SMARCC1: variants seen among roughly 807,000 people sequenced by gnomAD.
SMARCC1 encodes SWI/SNF related BAF chromatin remodeling complex subunit C1, also known as SWI/SNF complex subunit SMARCC1.
In SMARCC1, 43 loss-of-function variants were observed where a neutral mutation model predicts 147.4. The observed-to-expected ratio is 0.29, with a 90% CI of 0.23 to 0.38. The LOEUF (loss-of-function observed/expected upper bound fraction) is 0.38. Among genes scored for constraint, SMARCC1 ranks in the 10% least tolerant of loss-of-function variants. SMARCC1 has a pLI of 1.00. For synonymous variants in SMARCC1, 495 were observed against 484.4 expected (o/e 1.02, Z -0.29); for missense variants, 1,119 against 1,381.1 (o/e 0.81, Z 3.01).
intron 2 of SMARCC1, among the ~76,000 whole-genome samples, chr3:47,752,662 G>A (rs964060487): frequency 6.6e-6 from 1 of 152,032 alleles, no homozygotes; most frequent in Non-Finnish European, 1.5e-5. Flanking sequence ...CGGCATGGTA[G>A]GATGTACCTC....
At chr3:47,720,364 C>A (rs1248188031) in intron 7 of SMARCC1, among the ~76,000 whole-genome samples, 1 of 152,004 alleles carries the variant, frequency 6.6e-6, no homozygotes, top group African/African-American at 2.4e-5. Flanking sequence ...ACCTCATGAT[C>A]CACTGCCTCA....
chr3:47,646,509 T>C (rs1444395918), intron 21 of SMARCC1, among the ~76,000 whole-genome samples: 1 of 152,220 alleles, frequency 6.6e-6, no homozygotes, highest in Non-Finnish European at 1.5e-5. Flanking sequence ...GACATTCTAG[T>C]AATAACATGG....
intron 16 of SMARCC1, among the ~76,000 whole-genome samples, chr3:47,677,133 G>A (rs1175018059): frequency 6.6e-6 from 1 of 152,152 alleles, no homozygotes; most frequent in Non-Finnish European, 1.5e-5. Flanking sequence ...GTCTCGCTCT[G>A]TCTCTAAGGC....
chr3:47,749,765 A>AGAGAGG (rs2034607771), intron 2 of SMARCC1, among the ~76,000 whole-genome samples: 1 of 131,840 alleles, frequency 7.6e-6, no homozygotes, highest in Non-Finnish European at 1.6e-5. Flanking sequence ...AGAGAGAGAG[A>AGAGAGG]GGTGGCGGGG....
chr3:47,761,556 T>C (rs80018612), intron 2 of SMARCC1, among the ~76,000 whole-genome samples: 1 of 152,072 alleles, frequency 6.6e-6, no homozygotes, highest in African/African-American at 2.4e-5. Context: ...CTCAAGCTAT[T>C]CCCTCCCTGC....
chr3:47,762,178 T>A (rs2034781381), intron 2 of SMARCC1, among the ~76,000 whole-genome samples: 1 of 152,156 alleles, frequency 6.6e-6, no homozygotes, highest in Non-Finnish European at 1.5e-5. Context: ...AGACAACAGA[T>A]TCTTCTTAGC....
intron 2 of SMARCC1, among the ~76,000 whole-genome samples, chr3:47,750,894 A>C (rs2034620602): frequency 8.2e-6 from 1 of 121,674 alleles, no homozygotes; most frequent in Admixed American, 9.1e-5. Flanking sequence ...GCTTAAGACA[A>C]AGTAATTTTT....
chr3:47,686,281 G>A (rs979482168), intron 13 of SMARCC1, 111 bp from the exon 14 acceptor site: 10 of 837,582 alleles, frequency 1.2e-5, no homozygotes, highest in African/African-American at 5.2e-5. Flanking sequence ...TCCCCGATTC[G>A]ATCAGATATT....
At chr3:47,770,545 C>T (rs1406591255) in intron 2 of SMARCC1, among the ~76,000 whole-genome samples, 1 of 152,106 alleles carries the variant, frequency 6.6e-6, no homozygotes, top group Non-Finnish European at 1.5e-5. Flanking sequence ...CTCACTTGAA[C>T]CTGGGAAGCA....
At position 47,650,298 on chromosome 3, in the gene SMARCC1, A is replaced by AATAATAATT. The variant is rs770226262; in HGVS notation, c.2320+10995_2320+10996insAATTATTAT. 1.4e-3 allele frequency among the ~76,000 whole-genome samples: 197 copies of AATAATAATT among 141,056 alleles called. 2 individuals carry two copies. The highest frequency in any genetic ancestry group is 4.3e-3 in the African/African-American group (166 of 38,376). 92.5% of individuals were successfully genotyped at this position (141,056 alleles called of 152,430 possible). A position where few individuals can be genotyped will look rare whatever the true frequency, so the allele number is the denominator to read the frequency against. ...TTAAAATAATAATAATAATAATAAT[A>AATAATAATT]ATTATTATTATTATTATTATTCAAG... On this transcript the variant is annotated intron_variant, in intron 21 of 27. Coordinates refer to ENST00000254480, the MANE Select transcript of SMARCC1 (RefSeq NM_003074.4).
chr3:47,667,674 C>T (rs1004617286), intron 19 of SMARCC1, among the ~76,000 whole-genome samples: 8 of 152,220 alleles, frequency 5.3e-5, no homozygotes, highest in Admixed American at 3.9e-4. Flanking sequence ...GTCAAGAGAT[C>T]GAGACCATCC....
chr3:47,761,369 T>C (rs2034771486), intron 2 of SMARCC1, among the ~76,000 whole-genome samples: 1 of 151,972 alleles, frequency 6.6e-6, no homozygotes, highest in Admixed American at 6.6e-5. Flanking sequence ...CTAAATAAAA[T>C]ATGTGGTGTT....
At chr3:47,730,297 G>A (rs1335708968) in intron 5 of SMARCC1, among the ~76,000 whole-genome samples, 4 of 152,174 alleles carry the variant, frequency 2.6e-5, no homozygotes, top group African/African-American at 9.7e-5. Context: ...AGACTAGTCT[G>A]GGCAACACAG....
intron 11 of SMARCC1, 33 bp from the exon 12 acceptor site, chr3:47,693,333 T>C: frequency 7.9e-7 from 1 of 1,264,540 alleles, no homozygotes; most frequent in Non-Finnish European, 1.2e-6. Flanking sequence ...TATGTTTATG[T>C]GGGAAAAGTT....
intron 11 of SMARCC1, among the ~76,000 whole-genome samples, chr3:47,700,035 T>C (rs1018978109): frequency 6.6e-6 from 1 of 152,044 alleles, no homozygotes; most frequent in South Asian, 2.1e-4. Context: ...TTATTTTTCA[T>C]GCTCACAGAA....
At chr3:47,642,656 G>A (rs1264717181) in intron 21 of SMARCC1, among the ~76,000 whole-genome samples, 1 of 152,032 alleles carries the variant, frequency 6.6e-6, no homozygotes, top group Non-Finnish European at 1.5e-5. Context: ...GTCATTTTAC[G>A]CTTGGTAGAT....
At chr3:47,665,494 G>A (rs1304236916) in intron 19 of SMARCC1, among the ~76,000 whole-genome samples, 1 of 151,828 alleles carries the variant, frequency 6.6e-6, no homozygotes, top group Non-Finnish European at 1.5e-5. Flanking sequence ...ATTTTTTCAT[G>A]TTCCTTTCGC....
intron 5 of SMARCC1, among the ~76,000 whole-genome samples, chr3:47,730,792 G>T (rs1309331496): frequency 6.6e-6 from 1 of 151,920 alleles, no homozygotes; most frequent in African/African-American, 2.4e-5. Context: ...CTTGAACCCC[G>T]GAGGCAGAGG....
chr3:47,632,734 A>G (rs1481418109), intron 24 of SMARCC1, among the ~76,000 whole-genome samples: 1 of 152,192 alleles, frequency 6.6e-6, no homozygotes, highest in Non-Finnish European at 1.5e-5. Flanking sequence ...GATAGAGATA[A>G]AAGAATCAAT....
Sources: gnomAD v4.1 joint callset for allele counts (sites outside exome capture counted in the v4.1 genomes callset) on GRCh38, gnomAD v4.1.1 for gene constraint, MANE v1.5 for transcripts, NCBI Gene and HGNC (gene_info 2026-07-23, HGNC 2026-07-21) for gene names.